Variants in RYR2 observed in about 807,000 individuals in gnomAD.
The protein encoded by RYR2 is ryanodine receptor 2.
RYR2 carries 227 observed loss-of-function variants against 601.1 expected under a neutral mutation model. The observed-to-expected ratio is 0.38, with a 90% confidence interval of 0.34 to 0.42. The LOEUF (loss-of-function observed/expected upper bound fraction) is 0.42. Among genes scored for constraint, RYR2 ranks in the 10% least tolerant of loss-of-function variants. RYR2 has a pLI of 1.00. For missense variants in RYR2, 4,646 were observed against 6,156.5 expected (o/e 0.75, Z 8.21); for synonymous variants, 2,223 against 2,175.1 (o/e 1.02, Z -0.61).
chr1:237,691,706 G>C (rs1027915641), intron 63 of RYR2, among the ~76,000 whole-genome samples: 10 of 152,124 alleles, frequency 6.6e-5, no homozygotes, highest in African/African-American at 2.4e-4. Context: ...ATAGAATTCT[G>C]ATGAATCAAT....
rs1426268735 is a variant in RYR2, at chr1:237,117,695, C to G, written c.48+75126C>G. 2.9e-5 allele frequency among the ~76,000 whole-genome samples: 3 copies of G among 104,892 alleles called. No individual in the cohort carries two copies. In the South Asian group the frequency reaches 9.9e-4, roughly 35 times the overall value. 68.8% of individuals were successfully genotyped at this position (104,892 alleles called of 152,430 possible). On this transcript the variant is annotated intron_variant, in intron 1 of 104. Coordinates refer to ENST00000366574, the MANE Select transcript of RYR2 (RefSeq NM_001035.3). ...TCCTTCTCTTCTCTTCTCTTCTCTT[C>G]TCTTCTCTTCTCTTCTCTTCTCTTC...
At chr1:237,264,105 A>ACACACG (rs975631065) in intron 1 of RYR2, among the ~76,000 whole-genome samples, 3 of 151,796 alleles carry the variant, frequency 2.0e-5, no homozygotes, top group African/African-American at 7.3e-5. Context: ...ACACACACAC[A>ACACACG]CACACACACA....
chr1:237,665,412 A>G (rs991728784), intron 56 of RYR2, among the ~76,000 whole-genome samples: 1 of 151,752 alleles, frequency 6.6e-6, no homozygotes, highest in African/African-American at 2.4e-5. Flanking sequence ...AAAAAAAAAA[A>G]AAAAAAAGGA....
intron 104 of RYR2, 33 bp downstream of exon 104, chr1:237,831,598 G>T: frequency 7.9e-7 from 1 of 1,269,650 alleles, no homozygotes; most frequent in Non-Finnish European, 1.1e-6. Flanking sequence ...TCTTCTGAAA[G>T]AAATGATAGA....
At chr1:237,495,852 C>G (rs1046180399) in intron 19 of RYR2, among the ~76,000 whole-genome samples, 1 of 152,156 alleles carries the variant, frequency 6.6e-6, no homozygotes, top group Admixed American at 6.5e-5. Flanking sequence ...TTCTAAAAGT[C>G]TGCTCTGAGT....
intron 94 of RYR2, 57 bp downstream of exon 94, chr1:237,792,380 T>TGTGTGTGA: frequency 2.4e-6 from 2 of 838,186 alleles, no homozygotes; most frequent in Non-Finnish European, 3.5e-6. Flanking sequence ...TGTGTGTGTG[T>TGTGTGTGA]GCGTGTGTGT....
chr1:237,368,982 C>T (rs1700427049), intron 5 of RYR2, among the ~76,000 whole-genome samples: 1 of 152,050 alleles, frequency 6.6e-6, no homozygotes. Context: ...CATCACCACG[C>T]CCAGCTAATC....
chr1:237,721,066 C>T (rs1689680567), intron 73 of RYR2, among the ~76,000 whole-genome samples: 1 of 152,110 alleles, frequency 6.6e-6, no homozygotes, highest in Admixed American at 6.6e-5. Flanking sequence ...TAATGAGATA[C>T]ACAGATTTTC....
At position 237,756,407 on chromosome 1, in the gene RYR2, C is replaced by G; in HGVS notation, c.11245+20C>G. ...GCAAAGGTAAGGTTCCTTGAGTTCCCCTCACGAGTGTCTGTTCTTCAGATT... is the reference window on the plus strand; with the variant it reads ...GCAAAGGTAAGGTTCCTTGAGTTCCGCTCACGAGTGTCTGTTCTTCAGATT... On this transcript the variant is annotated intron_variant, in intron 81 of 104. Transcript: ENST00000366574. 2 of 1,498,124 alleles carry G rather than the reference C, an allele frequency of 1.3e-6. No homozygotes were observed. Among genetic ancestry groups the G allele is most frequent in the Non-Finnish European group, 1.8e-6 (2 of 1,082,282 alleles). The allele number at this position is 1,498,124 out of a possible 1,614,324, so 92.8% of individuals were successfully genotyped here.
At position 237,716,147 on chromosome 1, in the gene RYR2, G is replaced by A. The variant is rs1051981698; in HGVS notation, c.10324-1051G>A. Among the ~76,000 whole-genome samples, 10 of 152,008 alleles carry A rather than the reference G, an allele frequency of 6.6e-5. No homozygotes were observed. The East Asian group carries it at 9.7e-4, about 15-fold the overall frequency. Reference sequence around the variant, plus strand: ...ATTACATAATTGTATATTTTATAACGTAATATATAAGCTATCATTGCTATA... The same window carrying A: ...ATTACATAATTGTATATTTTATAACATAATATATAAGCTATCATTGCTATA... On this transcript the variant is annotated intron_variant, in intron 71 of 104. Coordinates refer to ENST00000366574, the MANE Select transcript of RYR2 (RefSeq NM_001035.3).
intron 38 of RYR2, among the ~76,000 whole-genome samples, chr1:237,618,988 A>G (rs1220546589): frequency 3.9e-5 from 6 of 152,158 alleles, no homozygotes; most frequent in African/African-American, 1.4e-4. Context: ...CAGATGTCCA[A>G]GAAGGCTGAG....
At chr1:237,522,265 ATACAC>A (rs1667164660) in intron 24 of RYR2, among the ~76,000 whole-genome samples, 1 of 152,226 alleles carries the variant, frequency 6.6e-6, no homozygotes, top group Non-Finnish European at 1.5e-5. Flanking sequence ...CACACATAAA[ATACAC>A]TATAATACTA....
At chr1:237,658,618 G>T (rs1683473639) in intron 54 of RYR2, among the ~76,000 whole-genome samples, 1 of 152,136 alleles carries the variant, frequency 6.6e-6, no homozygotes, top group African/African-American at 2.4e-5. Context: ...GTCTCCAACT[G>T]TTGTTGGCCT....
chr1:237,451,734 C>T (rs550369131), intron 14 of RYR2, among the ~76,000 whole-genome samples: 4 of 151,958 alleles, frequency 2.6e-5, no homozygotes, highest in Non-Finnish European at 5.9e-5. Context: ...ATGAAAGCAC[C>T]GTCTTTAAAA....
At chr1:237,529,401 T>C (rs1416838443) in intron 24 of RYR2, among the ~76,000 whole-genome samples, 4 of 152,152 alleles carry the variant, frequency 2.6e-5, no homozygotes, top group Non-Finnish European at 2.9e-5. Flanking sequence ...GATGGATAGA[T>C]ACCCATATGT....
intron 62 of RYR2, among the ~76,000 whole-genome samples, chr1:237,681,139 C>G (rs1001385511): frequency 6.6e-6 from 1 of 152,184 alleles, no homozygotes; most frequent in African/African-American, 2.4e-5. Flanking sequence ...TCCTTTTACT[C>G]AAACTTCTGC....
chr1:237,551,947 T>A (rs1052130988), intron 27 of RYR2, among the ~76,000 whole-genome samples: 1 of 152,196 alleles, frequency 6.6e-6, no homozygotes, highest in Non-Finnish European at 1.5e-5. Context: ...TGTAGGATCC[T>A]AATCATAGGC....
At chr1:237,318,229 C>T (rs79413278) in intron 2 of RYR2, among the ~76,000 whole-genome samples, 2,862 of 152,128 alleles carry the variant, frequency 0.019, 55 homozygotes, top group South Asian at 0.065. Flanking sequence ...AGATAGAAAA[C>T]CTGCTCCAAC....
chr1:237,703,488 A>C (rs1487528630), intron 66 of RYR2, among the ~76,000 whole-genome samples: 1 of 150,730 alleles, frequency 6.6e-6, no homozygotes, highest in African/African-American at 2.4e-5. Context: ...ATTTGTAATA[A>C]TGCTTTTGTT....
Sources: gnomAD v4.1 joint callset for allele counts (sites outside exome capture counted in the v4.1 genomes callset) on GRCh38, gnomAD v4.1.1 for gene constraint, MANE v1.5 for transcripts, NCBI Gene and HGNC (gene_info 2026-07-23, HGNC 2026-07-21) for gene names.